NALCN: variants seen among roughly 807,000 people sequenced by gnomAD.
NALCN encodes the protein sodium leak channel, non-selective, also known as sodium leak channel NALCN.
Under a neutral mutation model 225.3 loss-of-function variants are expected in NALCN, and 111 were observed. The observed-to-expected ratio is 0.49, with a 90% CI of 0.42 to 0.58. NALCN has a LOEUF of 0.58. Ranked by LOEUF, NALCN falls within the 20% of genes least tolerant of loss-of-function variation. The pLI, the probability that NALCN is intolerant of heterozygous loss-of-function variation, is 0.00. For synonymous variants in NALCN, 764 were observed against 769.0 expected, an observed-to-expected ratio of 0.99 and a Z score of 0.11; for missense variants, 1,378 against 2,202.4, an observed-to-expected ratio of 0.63 and a Z score of 7.49.
chr13:101,414,776 G>C (rs536170607), intron 1 of NALCN, among the ~76,000 whole-genome samples: 3 of 152,282 alleles, frequency 2.0e-5, no homozygotes, highest in African/African-American at 7.2e-5. Flanking sequence ...TTCTCCTAGA[G>C]TTCTGTAGAG....
chr13:101,107,503 G>C lies in NALCN; in HGVS notation c.2563C>G (p.Arg855Gly). ...RFRNFCRVVV[R>G]ARFNASKTDP... ...TGTACTTACGCGTTGAAGCGTGCTC[G>C]GACCACCACCCGGCAAAAGTTTCTG... The change falls in exon 22 of 44, where the codon CGA (arginine) becomes GGA (glycine). Residue 855 changes from arginine (R) to glycine (G), a missense_variant. Arg to Gly is a moderately radical substitution (Grantham distance 125, BLOSUM62 -2). Coordinates refer to ENST00000251127, the MANE Select transcript of NALCN (RefSeq NM_052867.4). The C allele has an allele frequency of 6.2e-7, 1 of 1,614,094 alleles. No individual in the cohort carries two copies. The highest frequency in any genetic ancestry group is 8.5e-7 in the Non-Finnish European group (1 of 1,179,986).
chr13:101,207,449 G>A (rs187093057), intron 13 of NALCN, among the ~76,000 whole-genome samples: 2 of 152,206 alleles, frequency 1.3e-5, no homozygotes, highest in East Asian at 3.9e-4. Context: ...AGGCTTAGGT[G>A]GCCTTTGACT....
chr13:101,360,193 TCTCTCTCTCTCTC>T (rs2046206704), intron 6 of NALCN, among the ~76,000 whole-genome samples: 3 of 46,770 alleles, frequency 6.4e-5, no homozygotes, highest in African/African-American at 3.0e-4. Flanking sequence ...TCTCTTCCTC[TCTCTCTCTCTCTC>T]TCTCTCTCTC....
chr13:101,175,136 C>G (rs1335194241), intron 15 of NALCN, among the ~76,000 whole-genome samples: 1 of 152,190 alleles, frequency 6.6e-6, no homozygotes, highest in Non-Finnish European at 1.5e-5. Context: ...GAAATCATCT[C>G]TAGCAGAGCC....
chr13:101,265,308 G>A (rs768037011), intron 10 of NALCN, among the ~76,000 whole-genome samples: 27 of 152,166 alleles, frequency 1.8e-4, no homozygotes, highest in African/African-American at 4.6e-4. Flanking sequence ...ACTTGCCAAC[G>A]TGGGGTCTCT....
chr13:101,233,631 C>T (rs866781862), intron 12 of NALCN, among the ~76,000 whole-genome samples: 13 of 152,102 alleles, frequency 8.5e-5, no homozygotes, highest in African/African-American at 2.4e-4. Context: ...TGAGCCACTG[C>T]GCCCAGCCGG....
intron 7 of NALCN, among the ~76,000 whole-genome samples, chr13:101,302,877 T>C (rs2044022566): frequency 6.6e-6 from 1 of 152,142 alleles, no homozygotes; most frequent in African/African-American, 2.4e-5. Context: ...TTGAAATTTG[T>C]TCAACTGGTT....
chr13:101,392,960 C>A lies in NALCN; in HGVS notation c.291+2223G>T, dbSNP rs7996806. 2.2e-3 allele frequency among the ~76,000 whole-genome samples: 328 copies of A among 152,210 alleles called. 2 individuals are homozygous for A. The highest frequency in any genetic ancestry group is 7.8e-3 in the African/African-American group (322 of 41,536). On this transcript the variant is annotated intron_variant, in intron 3 of 43. Coordinates refer to ENST00000251127, the MANE Select transcript of NALCN (RefSeq NM_052867.4). Reference sequence around the variant, plus strand: ...AAGCATAAATATAACCAAGAATGTGCAAAATCTGTATGAGGAAACCTACAA... The same window carrying A: ...AAGCATAAATATAACCAAGAATGTGAAAAATCTGTATGAGGAAACCTACAA...
chr13:101,194,281 C>A (rs754063153), intron 13 of NALCN, among the ~76,000 whole-genome samples: 31 of 152,134 alleles, frequency 2.0e-4, no homozygotes, highest in Non-Finnish European at 4.3e-4. Context: ...ACAGCTCAAC[C>A]ACCTGAAAGC....
chr13:101,083,570 T>C, intron 31 of NALCN, 141 bp downstream of exon 31: 1 of 732,674 alleles, frequency 1.4e-6, no homozygotes, highest in Non-Finnish European at 2.2e-6. Flanking sequence ...GAGAGATCTG[T>C]GGTTTGGAGC....
At chr13:101,107,905 T>A (rs1341934971) in intron 20 of NALCN, 116 bp from the exon 21 acceptor site, 1 of 436,318 alleles carries the variant, frequency 2.3e-6, no homozygotes, top group Non-Finnish European at 3.8e-6. Context: ...TAAATATTAA[T>A]TACATATATT....
At chr13:101,376,623 G>A (rs2046699496) in intron 6 of NALCN, 77 bp downstream of exon 6, 1 of 1,473,850 alleles carries the variant, frequency 6.8e-7, no homozygotes. Flanking sequence ...ATCTGACATA[G>A]AGGTTATTCT....
intron 13 of NALCN, among the ~76,000 whole-genome samples, chr13:101,199,981 T>G (rs1413707884): frequency 6.6e-6 from 1 of 152,072 alleles, no homozygotes; most frequent in African/African-American, 2.4e-5. Context: ...TGTCTAAATG[T>G]TACAGAGCTC....
chr13:101,088,878 A>G (rs1327833300), intron 30 of NALCN, among the ~76,000 whole-genome samples: 1 of 151,206 alleles, frequency 6.6e-6, no homozygotes, highest in African/African-American at 2.4e-5. Flanking sequence ...TCAAGTTCAT[A>G]TGAAATTAGA....
At chr13:101,261,512 C>T (rs1016819710) in intron 10 of NALCN, among the ~76,000 whole-genome samples, 1 of 151,966 alleles carries the variant, frequency 6.6e-6, no homozygotes, top group African/African-American at 2.4e-5. Context: ...TTTTGGTGTC[C>T]TCTTCGATTT....
chr13:101,392,277 A>C (rs2139478103), intron 3 of NALCN, among the ~76,000 whole-genome samples: 1 of 152,256 alleles, frequency 6.6e-6, no homozygotes, highest in Admixed American at 6.5e-5. Context: ...GGAAAATAAT[A>C]ACATATATAA....
At chr13:101,084,630 T>C (rs372070041) in intron 30 of NALCN, among the ~76,000 whole-genome samples, 3 of 152,212 alleles carry the variant, frequency 2.0e-5, no homozygotes, top group Non-Finnish European at 2.9e-5. Context: ...TATATCTGCA[T>C]TGAACAGTAT....
intron 3 of NALCN, among the ~76,000 whole-genome samples, chr13:101,383,627 C>G (rs1159153816): frequency 6.6e-6 from 1 of 152,174 alleles, no homozygotes; most frequent in African/African-American, 2.4e-5. Context: ...ACAATGTATA[C>G]AGCAAGATGT....
At chr13:101,190,845 T>C (rs1250921272) in intron 14 of NALCN, among the ~76,000 whole-genome samples, 2 of 152,212 alleles carry the variant, frequency 1.3e-5, no homozygotes, top group East Asian at 3.8e-4. Context: ...ACAAAGACAT[T>C]TTTTCAGACA....
Sources: allele counts gnomAD v4.1 joint callset (sites outside exome capture counted in the v4.1 genomes callset), GRCh38; gene constraint gnomAD v4.1.1; transcripts MANE v1.5; gene names NCBI Gene and HGNC (gene_info 2026-07-23, HGNC 2026-07-21).